Variants in TMEM272 observed in about 807,000 individuals in gnomAD.
TMEM272 encodes the protein transmembrane protein 272, also known as long intergenic non-protein coding RNA 282.
Under a neutral mutation model 3.7 loss-of-function variants are expected in TMEM272, and 8 were observed. That is an observed-to-expected ratio of 2.17 (90% CI 1.27 to 3.91). The LOEUF (loss-of-function observed/expected upper bound fraction) is 3.91, where lower values mean the gene tolerates loss of function less well. Among genes scored for constraint, TMEM272 ranks in the 30% most tolerant of loss-of-function variants. The pLI, the probability that TMEM272 is intolerant of heterozygous loss-of-function variation, is 0.00. For synonymous variants in TMEM272, 63 were observed against 39.8 expected (o/e 1.58, Z -2.20); for missense variants, 166 against 91.5 (o/e 1.81, Z -3.32).
At chr13:51,850,070 G>C (rs1397910633), upstream of TMEM272, among the ~76,000 whole-genome samples, 1 of 152,192 alleles carries the variant, frequency 6.6e-6, no homozygotes, top group Non-Finnish European at 1.5e-5. Context: ...TTAGCTGGGT[G>C]TAGGGGTGTG....
the TMEM272 span, among the ~76,000 whole-genome samples, chr13:51,863,700 CACACACACACCAGCT>C: frequency 3.8e-5 from 5 of 132,936 alleles, no homozygotes; most frequent in African/African-American, 1.3e-4. Context: ...CACACACACA[CACACACACACCAGCT>C]ATGTGTCTTT....
At chr13:51,886,627 AT>A in the TMEM272 span, among the ~76,000 whole-genome samples, 1 of 152,134 alleles carries the variant, frequency 6.6e-6, no homozygotes, top group African/African-American at 2.4e-5. Context: ...CATTTTCTGA[AT>A]TTTTTACATC....
At chr13:51,892,009 C>G in the TMEM272 span, among the ~76,000 whole-genome samples, 149 of 152,304 alleles carry the variant, frequency 9.8e-4, no homozygotes, top group Non-Finnish European at 1.4e-3. Context: ...TGCGAGCTCA[C>G]ATTTAGGGAT....
the TMEM272 span, among the ~76,000 whole-genome samples, chr13:51,867,051 C>T: frequency 1.3e-5 from 2 of 152,076 alleles, no homozygotes; most frequent in Non-Finnish European, 2.9e-5. Flanking sequence ...CACAAATGAC[C>T]AGAGTGAGGG....
At chr13:51,836,769 T>C (rs769877512) in intron 2 of TMEM272, among the ~76,000 whole-genome samples, 3 of 152,174 alleles carry the variant, frequency 2.0e-5, no homozygotes, top group African/African-American at 4.8e-5. Flanking sequence ...TGGGAGGAAG[T>C]AGAAGTCTAG....
chr13:51,934,281 C>T, the TMEM272 span: 3 of 257,254 alleles, frequency 1.2e-5, no homozygotes, highest in East Asian at 1.8e-4. Context: ...AAGAAAGCAA[C>T]AGGCACACCT....
Position 51,833,444 on chromosome 13 carries a change from T to C in TMEM272, c.58+5029A>G, listed in dbSNP as rs575184835. On this transcript the variant is annotated intron_variant, in intron 2 of 4. Transcript: ENST00000629372. ...GGACTAAAGGGGGTGGCTCTCGGAG[T>C]GAAGAGACCAGCGAAGTGGCTGTTT... Among the ~76,000 whole-genome samples, 21 of 151,794 alleles carry C rather than the reference T, an allele frequency of 1.4e-4. No homozygotes were observed. The East Asian group carries it at 3.5e-3, about 25-fold the overall frequency.
the TMEM272 span, chr13:51,908,452 T>C: frequency 5.2e-6 from 8 of 1,528,324 alleles, no homozygotes; most frequent in Non-Finnish European, 5.4e-6. Context: ...GCTCCAAACA[T>C]GGTTCCTGGA....
At chr13:51,886,850 T>C in the TMEM272 span, among the ~76,000 whole-genome samples, 2 of 152,174 alleles carry the variant, frequency 1.3e-5, no homozygotes, top group African/African-American at 4.8e-5. Context: ...ACTTAGTCGC[T>C]CCAGAAAGTA....
the TMEM272 span, among the ~76,000 whole-genome samples, chr13:51,921,830 A>G: frequency 6.6e-6 from 1 of 152,196 alleles, no homozygotes; most frequent in South Asian, 2.1e-4. Flanking sequence ...GCGGAGGTCC[A>G]AAGCATTTTC....
chr13:51,926,581 A>G, the TMEM272 span, among the ~76,000 whole-genome samples: 1 of 136,336 alleles, frequency 7.3e-6, no homozygotes, highest in African/African-American at 2.7e-5. Context: ...GTGAGAGGCA[A>G]AACAGGTTAA....
At chr13:51,882,502 C>T in the TMEM272 span, among the ~76,000 whole-genome samples, 1 of 152,094 alleles carries the variant, frequency 6.6e-6, no homozygotes, top group Admixed American at 6.5e-5. Context: ...AATACCAAAG[C>T]GTGGTCACAA....
chr13:51,820,466 G>A (rs185978120), intron 4 of TMEM272, among the ~76,000 whole-genome samples: 20 of 152,242 alleles, frequency 1.3e-4, no homozygotes, highest in East Asian at 5.8e-4. Context: ...GGCTTCAAAC[G>A]GTTTTAGATT....
At position 51,814,524 on chromosome 13, in the gene TMEM272, A is replaced by G. The variant is rs1245402521; in HGVS notation, c.*2227T>C. The stretch of plus-strand genomic sequence containing the variant: ...CAGAGTAGAGTGCAGTGGTGCAATC[A>G]TAGCTCACTGTAACCTCAAACCAGG... On this transcript the variant is annotated 3_prime_UTR_variant, in exon 5 of 5. Coordinates refer to ENST00000629372, the MANE Select transcript of TMEM272 (RefSeq NM_001351003.2). 6.6e-6 allele frequency: 1 copy of G among 152,270 alleles called. No homozygotes were observed. The highest frequency in any genetic ancestry group is 1.5e-5 in the Non-Finnish European group (1 of 68,050). 9.4% of individuals were successfully genotyped at this position (152,270 alleles called of 1,614,324 possible).
chr13:51,859,400 T>G, the TMEM272 span, among the ~76,000 whole-genome samples: 1 of 152,044 alleles, frequency 6.6e-6, no homozygotes, highest in African/African-American at 2.4e-5. Context: ...CACCTCAGGC[T>G]GACTTTGAGG....
At chr13:51,861,986 A>G in the TMEM272 span, 2 of 152,300 alleles carry the variant, frequency 1.3e-5, no homozygotes, top group Non-Finnish European at 2.9e-5. Context: ...CAGTGAAGTC[A>G]AAGATTGAAG....
At chr13:51,930,905 T>C in the TMEM272 span, among the ~76,000 whole-genome samples, 9 of 152,290 alleles carry the variant, frequency 5.9e-5, no homozygotes, top group East Asian at 1.7e-3. Context: ...TCCTTGGTAA[T>C]CTAGCAGAAT....
chr13:51,852,792 T>C, the TMEM272 span, among the ~76,000 whole-genome samples: 5,277 of 151,322 alleles, frequency 0.035, 149 homozygotes, highest in Admixed American at 0.078. Context: ...GGCAGGAGAA[T>C]TGCTTGAACC....
chr13:51,890,268 G>C, the TMEM272 span, among the ~76,000 whole-genome samples: 1 of 152,134 alleles, frequency 6.6e-6, no homozygotes. Context: ...GGGCCTAATG[G>C]GAGGAGTTTG....
Sources: allele counts gnomAD v4.1 joint callset (sites outside exome capture counted in the v4.1 genomes callset), GRCh38; gene constraint gnomAD v4.1.1; transcripts MANE v1.5; gene names NCBI Gene and HGNC (gene_info 2026-07-23, HGNC 2026-07-21).